CTNNA2: variants seen among roughly 807,000 people sequenced by gnomAD.
CTNNA2 encodes catenin alpha-2.
In CTNNA2, 42 loss-of-function variants were observed where a neutral mutation model predicts 101.0. That is an observed-to-expected ratio of 0.42 (90% CI 0.32 to 0.54). CTNNA2 has a LOEUF of 0.54. Among genes scored for constraint, CTNNA2 ranks in the 20% least tolerant of loss-of-function variants. The pLI is 0.14. For missense variants in CTNNA2, 871 were observed against 1,223.1 expected (o/e 0.71, Z 4.29); for synonymous variants, 450 against 456.4 (o/e 0.99, Z 0.18).
chr2:80,065,016 T>G (rs999509802), intron 7 of CTNNA2, among the ~76,000 whole-genome samples: 2 of 152,188 alleles, frequency 1.3e-5, no homozygotes, highest in African/African-American at 4.8e-5. Flanking sequence ...TTAGTGCAAA[T>G]GCAAGTTTAT....
intron 2 of CTNNA2, among the ~76,000 whole-genome samples, chr2:79,309,934 C>T (rs926849183): frequency 6.6e-6 from 1 of 152,142 alleles, no homozygotes; most frequent in Non-Finnish European, 1.5e-5. Flanking sequence ...AAATTTCTCA[C>T]ATTTTTATTA....
chr2:79,318,375 A>T (rs899173800), intron 3 of CTNNA2, among the ~76,000 whole-genome samples: 3 of 152,214 alleles, frequency 2.0e-5, no homozygotes, highest in Non-Finnish European at 4.4e-5. Context: ...AGAAAAAAAT[A>T]CATTTTATAT....
intron 7 of CTNNA2, among the ~76,000 whole-genome samples, chr2:80,026,776 A>T (rs1327195926): frequency 6.6e-6 from 1 of 152,220 alleles, no homozygotes; most frequent in Non-Finnish European, 1.5e-5. Flanking sequence ...ATACTATTAC[A>T]AATAAATCTA....
chr2:79,881,263 G>A (rs146335327), intron 6 of CTNNA2, among the ~76,000 whole-genome samples: 1,687 of 152,282 alleles, frequency 0.011, 35 homozygotes, highest in African/African-American at 0.038. Flanking sequence ...GTGCCATGTG[G>A]CACTGAGAAG....
intron 1 of CTNNA2, among the ~76,000 whole-genome samples, chr2:79,595,576 A>C (rs1677134978): frequency 6.6e-6 from 1 of 152,176 alleles, no homozygotes; most frequent in South Asian, 2.1e-4. Context: ...GTTATCTTAG[A>C]GTTCTTCCTC....
In CTNNA2 at chr2:80,043,397, C is replaced by T. The variant is rs530144644; in HGVS notation, c.1056+133600C>T. Among the ~76,000 whole-genome samples, 18 of 152,036 alleles carry T rather than the reference C, an allele frequency of 1.2e-4. No homozygotes were observed. In the East Asian group the frequency reaches 2.7e-3, roughly 23 times the overall value. On this transcript the variant is annotated intron_variant, in intron 7 of 18. Transcript: ENST00000402739. ...ATTTTTAGTAGAGACAGCATTTCAC[C>T]ATGTTGGCCAGACTTTTCTCGAACT...
At chr2:79,751,833 G>T (rs796816317) in intron 3 of CTNNA2, among the ~76,000 whole-genome samples, 19 of 152,214 alleles carry the variant, frequency 1.2e-4, no homozygotes, top group African/African-American at 4.1e-4. Context: ...GATTGGTTAG[G>T]TGTGATCATA....
intron 8 of CTNNA2, among the ~76,000 whole-genome samples, chr2:80,396,346 C>A (rs1399925778): frequency 6.6e-6 from 1 of 152,092 alleles, no homozygotes; most frequent in East Asian, 1.9e-4. Flanking sequence ...TGTTTAGAAT[C>A]AAAAATGGAT....
At chr2:80,560,684 TC>T (rs2149672905) in intron 12 of CTNNA2, among the ~76,000 whole-genome samples, 1 of 152,266 alleles carries the variant, frequency 6.6e-6, no homozygotes, top group Non-Finnish European at 1.5e-5. Context: ...CTCCTCCTCC[TC>T]CTGCTTTACA....
intron 9 of CTNNA2, among the ~76,000 whole-genome samples, chr2:80,429,560 T>C (rs959309793): frequency 3.9e-5 from 6 of 152,336 alleles, no homozygotes; most frequent in African/African-American, 1.4e-4. Flanking sequence ...AAAGTAATTG[T>C]TTAAAAATGT....
chr2:80,598,668 C>G (rs1433047544), intron 15 of CTNNA2, among the ~76,000 whole-genome samples: 1 of 152,112 alleles, frequency 6.6e-6, no homozygotes, highest in South Asian at 2.1e-4. Context: ...AATGGTTAAG[C>G]AAACTATGTT....
At chr2:80,414,382 A>G (rs1295048844) in intron 8 of CTNNA2, among the ~76,000 whole-genome samples, 1 of 152,092 alleles carries the variant, frequency 6.6e-6, no homozygotes, top group African/African-American at 2.4e-5. Flanking sequence ...TTATAAATGT[A>G]TCTCTATTTA....
chr2:80,496,395 C>CTTTT (rs34221173), intron 9 of CTNNA2, among the ~76,000 whole-genome samples: 12 of 131,736 alleles, frequency 9.1e-5, no homozygotes, highest in Non-Finnish European at 1.3e-4. Flanking sequence ...TCTTCACTGT[C>CTTTT]TTTTTTTTTT....
At chr2:80,048,970 T>G (rs886611931) in intron 7 of CTNNA2, among the ~76,000 whole-genome samples, 1 of 152,118 alleles carries the variant, frequency 6.6e-6, no homozygotes, top group Non-Finnish European at 1.5e-5. Flanking sequence ...GATTGAAATA[T>G]GGTTAAAAGA....
intron 1 of CTNNA2, among the ~76,000 whole-genome samples, chr2:79,530,362 C>T (rs907975073): frequency 3.3e-5 from 5 of 152,120 alleles, no homozygotes; most frequent in Non-Finnish European, 7.3e-5. Flanking sequence ...TGTTACTGTC[C>T]ATACAACTAG....
At chr2:79,657,036 C>A (rs1681661240) in intron 2 of CTNNA2, among the ~76,000 whole-genome samples, 1 of 141,460 alleles carries the variant, frequency 7.1e-6, no homozygotes, top group African/African-American at 2.7e-5. Flanking sequence ...AAAAAATAAA[C>A]TATGAATCTT....
intron 1 of CTNNA2, among the ~76,000 whole-genome samples, chr2:79,549,214 T>C (rs994520163): frequency 6.6e-6 from 1 of 152,214 alleles, no homozygotes; most frequent in African/African-American, 2.4e-5. Flanking sequence ...GGTTTGGCCA[T>C]AGACTGTTTT....
At chr2:80,060,767 C>T (rs886397375) in intron 7 of CTNNA2, among the ~76,000 whole-genome samples, 5 of 152,150 alleles carry the variant, frequency 3.3e-5, no homozygotes, top group African/African-American at 9.7e-5. Flanking sequence ...CTGTGGTTTG[C>T]CATCCATTTC....
intron 7 of CTNNA2, among the ~76,000 whole-genome samples, chr2:80,228,121 G>A (rs1317567069): frequency 6.6e-6 from 1 of 152,198 alleles, no homozygotes; most frequent in Non-Finnish European, 1.5e-5. Flanking sequence ...CACATGGTCA[G>A]GATCTGTGTT....
Sources: gnomAD v4.1 joint callset for allele counts (sites outside exome capture counted in the v4.1 genomes callset) on GRCh38, gnomAD v4.1.1 for gene constraint, MANE v1.5 for transcripts, NCBI Gene and HGNC (gene_info 2026-07-23, HGNC 2026-07-21) for gene names.